MFSD11: variants seen among roughly 807,000 people sequenced by gnomAD.
MFSD11 encodes major facilitator superfamily domain containing 11.
A neutral mutation model predicts 53.5 loss-of-function variants in MFSD11; 36 were observed. The ratio of observed to expected loss-of-function variants is 0.67; its 90% confidence interval spans 0.52 to 0.89. The LOEUF (loss-of-function observed/expected upper bound fraction) is 0.89, where lower values mean the gene tolerates loss of function less well. MFSD11 is among the 40% of genes least tolerant of loss of function. The probability of loss-of-function intolerance (pLI) is 0.00; values close to 1 mark genes in which losing one functional copy is unlikely to be tolerated. For missense variants in MFSD11, 530 were observed against 543.9 expected (o/e 0.97, Z 0.25); for synonymous variants, 186 against 184.9 (o/e 1.01, Z -0.05).
At position 76,776,693 on chromosome 17, in the gene MFSD11, T is replaced by C; in HGVS notation, c.1185+152T>C. On this transcript the variant is annotated intron_variant, in intron 12 of 12. Coordinates refer to ENST00000685175, the MANE Select transcript of MFSD11 (RefSeq NM_001242532.5). This position sits in a 1 kb window ranked among gnomAD's most constrained non-coding sequence, Gnocchi z 4.2. ...TCTCTCTCTGTCACTCAGGCTGGAG[T>C]GCAGTAGCGCAATCTTGACTCGCTG... is the stretch of plus-strand genomic sequence containing the variant. 1 of 758,518 alleles carries C rather than the reference T, an allele frequency of 1.3e-6. No homozygotes were observed. The highest frequency in any genetic ancestry group is 1.9e-6 in the Non-Finnish European group (1 of 525,050). The allele number at this position is 758,518 out of a possible 1,614,324, so 47.0% of individuals were successfully genotyped here. A position where few individuals can be genotyped will look rare whatever the true frequency, so the allele number is the denominator to read the frequency against.
chr17:76,781,391 A>G (rs1180937553), downstream of MFSD11: 3 of 152,232 alleles, frequency 2.0e-5, no homozygotes, highest in African/African-American at 7.2e-5. Flanking sequence ...GCAGTCTCTC[A>G]TAACTTCATC....
At chr17:76,773,800 G>A (rs748115983) in intron 10 of MFSD11, among the ~76,000 whole-genome samples, 16 of 152,094 alleles carry the variant, frequency 1.1e-4, no homozygotes, top group Non-Finnish European at 2.2e-4. Flanking sequence ...TAGAGACAGG[G>A]TTTCACCATG....
chr17:76,747,717 C>T (rs2144275020), intron 7 of MFSD11, among the ~76,000 whole-genome samples: 1 of 152,162 alleles, frequency 6.6e-6, no homozygotes, highest in East Asian at 1.9e-4. Flanking sequence ...TGAAAACTGA[C>T]CCCCCCATTC....
chr17:76,799,128 A>G, the MFSD11 span: 1 of 151,534 alleles, frequency 6.6e-6, no homozygotes, highest in African/African-American at 2.4e-5. Flanking sequence ...AACTTAGGGA[A>G]CTCTTGAGAC....
At chr17:76,736,882 G>A (rs2077531753), upstream of MFSD11, 1 of 1,611,666 alleles carries the variant, frequency 6.2e-7, no homozygotes, top group African/African-American at 1.3e-5. Flanking sequence ...CCGGGGGGCG[G>A]CCGTAGCGCG....
At chr17:76,741,113 C>T in intron 3 of MFSD11, 49 bp downstream of exon 3, 1 of 1,094,778 alleles carries the variant, frequency 9.1e-7, no homozygotes, top group Non-Finnish European at 1.4e-6. Flanking sequence ...TTGTCAGGAT[C>T]TTTCAAGTAG....
intron 8 of MFSD11, among the ~76,000 whole-genome samples, chr17:76,755,461 G>A (rs1363461465): frequency 2.0e-5 from 3 of 152,002 alleles, no homozygotes; most frequent in Admixed American, 6.6e-5. Context: ...GCCACAGGGC[G>A]TTAATGACAT....
At chr17:76,745,217 C>T (rs948975587) in intron 7 of MFSD11, among the ~76,000 whole-genome samples, 23 of 152,272 alleles carry the variant, frequency 1.5e-4, no homozygotes, top group African/African-American at 5.3e-4. Flanking sequence ...TTAAAACTTT[C>T]GCATTGAGCA....
At chr17:76,782,615 A>G (rs765018790), downstream of MFSD11, among the ~76,000 whole-genome samples, 2 of 147,980 alleles carry the variant, frequency 1.4e-5, no homozygotes, top group Non-Finnish European at 3.0e-5. Flanking sequence ...AGTAGCTGGG[A>G]CTACAGGTGC....
chr17:76,781,298 A>T (rs1425377530), downstream of MFSD11: 3 of 152,230 alleles, frequency 2.0e-5, no homozygotes, highest in East Asian at 5.8e-4. Context: ...AGTAGTCCTC[A>T]GGGCAGCCTA....
rs1177877157 is a variant in MFSD11, at chr17:76,742,005, G to A, written c.297G>A (p.Trp99Ter). The A allele has an allele frequency of 1.9e-6, 3 of 1,614,004 alleles. No homozygotes were observed. Among genetic ancestry groups the A allele is most frequent in the Non-Finnish European group, 2.5e-6 (3 of 1,180,032 alleles). ...YIAVFIQPFP[W>*]SFYTASVFIG... is the part of the protein sequence containing the mutation. ...CCGTTTTCATCCAGCCTTTCCCGTGGTCCTTCTACACAGCCTCTGTTTTCA... is the reference window on the plus strand; with the variant it reads ...CCGTTTTCATCCAGCCTTTCCCGTGATCCTTCTACACAGCCTCTGTTTTCA... The change falls in exon 4 of 13, where the codon TGG (tryptophan) becomes TGA (stop). Residue 99 changes from tryptophan (W) to a stop codon, truncating the protein, a stop_gained. Transcript: ENST00000685175. LOFTEE classifies it high-confidence loss of function.
rs773059343 is a variant in MFSD11, at chr17:76,778,371, A to G, written c.*19A>G. 1.3e-5 allele frequency: 21 copies of G among 1,613,384 alleles called. No homozygotes were observed. The Admixed American group carries it at 1.5e-4, about 12-fold the overall frequency. ...TATCTGATCTGGTGTCCGTGAGGGG[A>G]CACGTATGACCTCAGAAACACAGCT... On this transcript the variant is annotated 3_prime_UTR_variant, in exon 13 of 13. Transcript: ENST00000685175.
chr17:76,758,558 G>A (rs2079878551), intron 8 of MFSD11, among the ~76,000 whole-genome samples: 2 of 147,748 alleles, frequency 1.4e-5, no homozygotes, highest in South Asian at 2.1e-4. Flanking sequence ...ACTCCAGCAT[G>A]GGCACAGAGC....
chr17:76,771,020 C>T (rs1196030335), intron 10 of MFSD11, among the ~76,000 whole-genome samples: 1 of 152,216 alleles, frequency 6.6e-6, no homozygotes, highest in African/African-American at 2.4e-5. Flanking sequence ...GCCTGGACAA[C>T]ATAAGGAGAC....
rs1202134415 is a variant in MFSD11 at position 76,739,076 on chromosome 17, G to A, written c.152+83G>A. 8 of 1,067,418 alleles carry A rather than the reference G, an allele frequency of 7.5e-6. No homozygotes were observed. In the Admixed American group the frequency reaches 1.4e-4, roughly 19 times the overall value. The allele number at this position is 1,067,418 out of a possible 1,614,324, so 66.1% of individuals were successfully genotyped here. ...TCAGAATCACCAGCAATAGAATATT[G>A]TGATTGAATAAGTGGTGATGGCATT... is the stretch of plus-strand genomic sequence containing the variant. On this transcript the variant is annotated intron_variant, in intron 2 of 12. Coordinates refer to ENST00000685175, the MANE Select transcript of MFSD11 (RefSeq NM_001242532.5).
chr17:76,738,514 A>T, intron 1 of MFSD11, 66 bp downstream of exon 1: 2 of 1,196,758 alleles, frequency 1.7e-6, no homozygotes, highest in Non-Finnish European at 2.4e-6. Context: ...AATGAAAATA[A>T]ACGTTCATTA....
chr17:76,737,702 C>G (rs2077613645), upstream of MFSD11: 1 of 174,012 alleles, frequency 5.7e-6, no homozygotes, highest in African/African-American at 2.4e-5. Flanking sequence ...GCCGTCAGCC[C>G]CGTCTCCGTC....
At position 76,743,987 on chromosome 17, in the gene MFSD11, G is replaced by A. The variant is rs142936583; in HGVS notation, c.497-335G>A. Among the ~76,000 whole-genome samples the A allele has an allele frequency of 2.8e-3, 427 of 152,270 alleles. 1 individual carries two copies. Among genetic ancestry groups the A allele is most frequent in the Non-Finnish European group, 4.7e-3 (317 of 68,016 alleles). On this transcript the variant is annotated intron_variant, in intron 6 of 12. Transcript: ENST00000685175. Reference sequence around the variant, plus strand: ...GGGGCTTCTCAGGGTCTAAGGGAAGGTTATGCTGTGCACGAGCTTACGAGA... The same window carrying A: ...GGGGCTTCTCAGGGTCTAAGGGAAGATTATGCTGTGCACGAGCTTACGAGA...
In MFSD11 at chr17:76,738,197, C is replaced by T; in HGVS notation, c.-156C>T. 2 of 617,782 alleles carry T rather than the reference C, an allele frequency of 3.2e-6. No homozygotes were observed. The highest frequency in any genetic ancestry group is 5.7e-6 in the Non-Finnish European group (2 of 348,152). The allele number at this position is 617,782 out of a possible 1,614,324, so 38.3% of individuals were successfully genotyped here. ...AGAACTTCGCCCTAAACCTGGGGTT[C>T]CGATCCAGGAACTGGAAGTTGACAG... On this transcript the variant is annotated 5_prime_UTR_variant, in exon 1 of 13. Transcript: ENST00000685175.
Sources: allele counts gnomAD v4.1 joint callset (sites outside exome capture counted in the v4.1 genomes callset), GRCh38; gene constraint gnomAD v4.1.1; non-coding constraint Gnocchi (gnomAD v3.1); transcripts MANE v1.5; gene names NCBI Gene and HGNC (gene_info 2026-07-23, HGNC 2026-07-21).